Variants in SLC35F4 observed in about 807,000 individuals in gnomAD.
SLC35F4 encodes chromosome 14 open reading frame 36.
In SLC35F4, 24 loss-of-function variants were observed where a neutral mutation model predicts 44.2. The ratio of observed to expected loss-of-function variants is 0.54; its 90% confidence interval spans 0.39 to 0.76. The LOEUF (loss-of-function observed/expected upper bound fraction) is 0.76, where lower values mean the gene tolerates loss of function less well. Among genes scored for constraint, SLC35F4 ranks in the 30% least tolerant of loss-of-function variants. The probability of loss-of-function intolerance (pLI) is 0.00; values close to 1 mark genes in which losing one functional copy is unlikely to be tolerated. For synonymous variants in SLC35F4, 238 were observed against 223.6 expected (o/e 1.06, Z -0.57); for missense variants, 562 against 586.1 (o/e 0.96, Z 0.42).
At chr14:57,787,327 G>A (rs1430634805) in intron 1 of SLC35F4, among the ~76,000 whole-genome samples, 1 of 152,148 alleles carries the variant, frequency 6.6e-6, no homozygotes, top group East Asian at 1.9e-4. Flanking sequence ...CTAAAAGCTT[G>A]GAAAACATAT....
downstream of SLC35F4, among the ~76,000 whole-genome samples, chr14:57,972,353 A>G (rs1236747284): frequency 6.6e-6 from 1 of 152,198 alleles, no homozygotes; most frequent in African/African-American, 2.4e-5. Context: ...CTCAGTGAAG[A>G]GGCTACAGCA....
At chr14:57,695,901 T>G (rs552175177) in intron 1 of SLC35F4, among the ~76,000 whole-genome samples, 1 of 152,108 alleles carries the variant, frequency 6.6e-6, no homozygotes, top group African/African-American at 2.4e-5. Context: ...GACTTTTATA[T>G]TATTATTTTC....
rs183859930 is a variant in SLC35F4 at position 57,742,719 on chromosome 14, G to A, written c.103+123004C>T. On this transcript the variant is annotated intron_variant, in intron 1 of 7. Transcript: ENST00000556826. ...AATTGAATTCAGCTCTGGACCAAGC[G>A]GACCTAATAGACATCTACAGAACTC... 9.3e-4 allele frequency among the ~76,000 whole-genome samples: 142 copies of A among 152,168 alleles called. 1 individual carries two copies. The South Asian group carries it at 0.015, about 16-fold the overall frequency.
At chr14:57,648,836 T>C (rs969719248) in intron 1 of SLC35F4, among the ~76,000 whole-genome samples, 20 of 152,216 alleles carry the variant, frequency 1.3e-4, no homozygotes, top group African/African-American at 4.6e-4. Flanking sequence ...AGGTAATATA[T>C]TGCATAGACT....
At chr14:57,577,407 A>G (rs2068866038) in intron 4 of SLC35F4, among the ~76,000 whole-genome samples, 1 of 152,204 alleles carries the variant, frequency 6.6e-6, no homozygotes, top group South Asian at 2.1e-4. Context: ...AGGGACACTA[A>G]TGCATTTCAC....
At chr14:57,872,506 A>G (rs1888315195) in intron 1 of SLC35F4, among the ~76,000 whole-genome samples, 1 of 152,114 alleles carries the variant, frequency 6.6e-6, no homozygotes, top group Non-Finnish European at 1.5e-5. Context: ...TCATTGATTC[A>G]CCTAGACACA....
At chr14:57,658,602 A>G (rs540956344) in intron 1 of SLC35F4, among the ~76,000 whole-genome samples, 1 of 152,322 alleles carries the variant, frequency 6.6e-6, no homozygotes, top group East Asian at 1.9e-4. Flanking sequence ...GTTTTTAAAT[A>G]TAACAGCACA....
intron 2 of SLC35F4, among the ~76,000 whole-genome samples, chr14:57,592,897 T>C (rs1189383129): frequency 6.6e-6 from 1 of 152,136 alleles, no homozygotes; most frequent in East Asian, 1.9e-4. Context: ...TTTTGTTGTT[T>C]TTGCTGCTGC....
intron 1 of SLC35F4, 38 bp from the exon 2 acceptor site, chr14:57,594,162 T>C: frequency 6.4e-7 from 1 of 1,555,250 alleles, no homozygotes. Flanking sequence ...GAGAACTGCC[T>C]GAACAAATTG....
intron 1 of SLC35F4, among the ~76,000 whole-genome samples, chr14:57,799,666 C>T (rs2078142329): frequency 6.6e-6 from 1 of 152,220 alleles, no homozygotes; most frequent in African/African-American, 2.4e-5. Flanking sequence ...CTGCTTCAGC[C>T]CACCAGCTTT....
chr14:57,803,992 C>T (rs1880991740), intron 1 of SLC35F4, among the ~76,000 whole-genome samples: 1 of 151,958 alleles, frequency 6.6e-6, no homozygotes, highest in Non-Finnish European at 1.5e-5. Flanking sequence ...CAAGCAGAGC[C>T]AAATCATTAA....
chr14:57,706,746 G>T (rs565129798), intron 1 of SLC35F4, among the ~76,000 whole-genome samples: 1 of 152,260 alleles, frequency 6.6e-6, no homozygotes, highest in Admixed American at 6.5e-5. Context: ...AAGATCATGT[G>T]TTCAAGGAGC....
At chr14:57,970,848 C>T (rs1883848431) in intron 1 of SLC35F4, among the ~76,000 whole-genome samples, 2 of 152,190 alleles carry the variant, frequency 1.3e-5, no homozygotes, top group African/African-American at 4.8e-5. Flanking sequence ...AGGTCAACCT[C>T]TGAGAATTCT....
chr14:57,746,433 C>T (rs928149953), intron 1 of SLC35F4, among the ~76,000 whole-genome samples: 3 of 152,040 alleles, frequency 2.0e-5, no homozygotes, highest in African/African-American at 4.8e-5. Context: ...TTTCTCTTTG[C>T]TAACAATGTG....
intron 1 of SLC35F4, among the ~76,000 whole-genome samples, chr14:57,790,480 AAG>A (rs1319239039): frequency 1.3e-5 from 2 of 151,902 alleles, no homozygotes; most frequent in African/African-American, 4.8e-5. Flanking sequence ...TCAAGAAAAT[AAG>A]AGAGGACACA....
intron 1 of SLC35F4, among the ~76,000 whole-genome samples, chr14:57,968,210 G>A (rs1374740968): frequency 6.6e-6 from 1 of 152,126 alleles, no homozygotes; most frequent in African/African-American, 2.4e-5. Flanking sequence ...CATAGCTAAA[G>A]GCACTCTTCC....
chr14:57,602,192 G>C (rs1414352765), intron 1 of SLC35F4, among the ~76,000 whole-genome samples: 1 of 152,102 alleles, frequency 6.6e-6, no homozygotes, highest in Non-Finnish European at 1.5e-5. Context: ...GCTTCATAGA[G>C]GACAATGGAT....
chr14:57,979,148 G>C (rs577855042), intron 1 of SLC35F4, among the ~76,000 whole-genome samples: 4 of 152,326 alleles, frequency 2.6e-5, no homozygotes, highest in Middle Eastern at 3.4e-3. Context: ...AACAATGAAG[G>C]CTGGCTGAGA....
At chr14:57,673,381 C>G (rs1345492511) in intron 1 of SLC35F4, among the ~76,000 whole-genome samples, 1 of 152,114 alleles carries the variant, frequency 6.6e-6, no homozygotes, top group East Asian at 1.9e-4. Context: ...CACTGTGGAG[C>G]TGTGTGCCTT....
Sources: allele counts gnomAD v4.1 joint callset (sites outside exome capture counted in the v4.1 genomes callset), GRCh38; gene constraint gnomAD v4.1.1; transcripts MANE v1.5; gene names NCBI Gene and HGNC (gene_info 2026-07-23, HGNC 2026-07-21).